The following WDPCP variants were observed in gnomAD, a reference collection of about 807,000 sequenced individuals.
WDPCP encodes WD repeat-containing and planar cell polarity effector protein fritz homolog.
A neutral mutation model predicts 93.1 loss-of-function variants in WDPCP; 71 were observed. That is an observed-to-expected ratio of 0.76 (90% confidence interval 0.63 to 0.93). The LOEUF is 0.93. Among genes scored for constraint, WDPCP ranks in the 40% least tolerant of loss-of-function variants. The pLI is 0.00. For synonymous variants in WDPCP, 315 were observed against 315.0 expected (o/e 1.00, Z 0.00); for missense variants, 844 against 887.4 (o/e 0.95, Z 0.62).
At chr2:63,291,094 G>C (rs1340701151) in intron 13 of WDPCP, among the ~76,000 whole-genome samples, 1 of 151,954 alleles carries the variant, frequency 6.6e-6, no homozygotes, top group Non-Finnish European at 1.5e-5. Context: ...ACTTTATACT[G>C]ATCTGTCTTT....
At chr2:63,785,951 C>T (rs1670461832) in intron 2 of WDPCP, among the ~76,000 whole-genome samples, 2 of 152,206 alleles carry the variant, frequency 1.3e-5, no homozygotes, top group Non-Finnish European at 1.5e-5. Context: ...ATTAACCACA[C>T]TGACATGGCT....
chr2:63,538,517 T>G lies in WDPCP; in HGVS notation c.76-45577A>C, dbSNP rs531913566. ...TTTTGCACATTCTATGGGAGAGAAATTCATACAAGCAAGTTTGCCCAGCTA... is the reference window on the plus strand; with the variant it reads ...TTTTGCACATTCTATGGGAGAGAAAGTCATACAAGCAAGTTTGCCCAGCTA... On this transcript the variant is annotated intron_variant, in intron 1 of 17. Transcript: ENST00000272321. Among the ~76,000 whole-genome samples the G allele has an allele frequency of 7.9e-5, 12 of 152,238 alleles. No homozygotes were observed. In the South Asian group the frequency reaches 2.3e-3, roughly 29 times the overall value.
chr2:63,576,169 C>T (rs1186167710), intron 1 of WDPCP, among the ~76,000 whole-genome samples: 1 of 152,128 alleles, frequency 6.6e-6, no homozygotes, highest in Non-Finnish European at 1.5e-5. Context: ...TAAGTCAATT[C>T]TGACATTATC....
At chr2:63,751,975 C>G in intron 2 of WDPCP, 6 of 632,480 alleles carry the variant, frequency 9.5e-6, no homozygotes, top group Non-Finnish European at 1.8e-5. Flanking sequence ...ACTGAAGTTT[C>G]CTCCACAATC....
At chr2:63,406,372 T>G (rs1694587643) in intron 9 of WDPCP, among the ~76,000 whole-genome samples, 1 of 152,184 alleles carries the variant, frequency 6.6e-6, no homozygotes, top group Non-Finnish European at 1.5e-5. Context: ...CATTTTCTTT[T>G]TTGTCCAATA....
chr2:63,330,983 C>T (rs1004921704), intron 12 of WDPCP, among the ~76,000 whole-genome samples: 4 of 151,538 alleles, frequency 2.6e-5, no homozygotes, highest in Non-Finnish European at 5.9e-5. Flanking sequence ...GATCCTCCCA[C>T]CTCAGTCTCC....
At chr2:63,763,095 A>T (rs1670081257) in intron 2 of WDPCP, among the ~76,000 whole-genome samples, 1 of 152,160 alleles carries the variant, frequency 6.6e-6, no homozygotes, top group South Asian at 2.1e-4. Flanking sequence ...ATGATCATCT[A>T]TATATTTAAT....
At chr2:63,439,639 G>A in intron 7 of WDPCP, 118 bp downstream of exon 7, 1 of 836,456 alleles carries the variant, frequency 1.2e-6, no homozygotes, top group Non-Finnish European at 2.0e-6. Context: ...GCTATTACAA[G>A]CAATTACTTG....
chr2:63,432,420 C>T (rs985807860), intron 9 of WDPCP, among the ~76,000 whole-genome samples: 5 of 152,208 alleles, frequency 3.3e-5, no homozygotes, highest in African/African-American at 1.2e-4. Context: ...TATTGGCAGA[C>T]ACTAAGATCC....
intron 2 of WDPCP, among the ~76,000 whole-genome samples, chr2:63,685,457 G>A (rs1425048030): frequency 7.0e-6 from 1 of 141,986 alleles, no homozygotes; most frequent in Non-Finnish European, 1.5e-5. Context: ...CGAAGCTGTA[G>A]TAAAAGAGTC....
chr2:63,486,376 GA>G (rs1558698776), intron 4 of WDPCP, among the ~76,000 whole-genome samples, 165 bp downstream of exon 4: 1 of 151,748 alleles, frequency 6.6e-6, no homozygotes, highest in Non-Finnish European at 1.5e-5. Context: ...ATCTAAATTA[GA>G]AAGGCCTGAC....
chr2:63,445,127 CTGAGT>C (rs1697760973), intron 6 of WDPCP, among the ~76,000 whole-genome samples: 2 of 150,694 alleles, frequency 1.3e-5, no homozygotes, highest in Non-Finnish European at 3.0e-5. Context: ...TAAATAACAT[CTGAGT>C]TTTGTTCATT....
intron 2 of WDPCP, among the ~76,000 whole-genome samples, chr2:63,774,633 G>A (rs1670278191): frequency 6.6e-6 from 1 of 152,098 alleles, no homozygotes; most frequent in South Asian, 2.1e-4. Context: ...GATCATTTAT[G>A]GCATACCCAG....
At chr2:63,485,135 T>C in intron 4 of WDPCP, 148 bp from the exon 5 acceptor site, 2 of 790,910 alleles carry the variant, frequency 2.5e-6, no homozygotes, top group East Asian at 5.3e-5. Context: ...GACAGCCTTA[T>C]GAAAGGCTTT....
rs201292899 is a variant in WDPCP at position 63,141,465 on chromosome 2, C to T, written c.2190+11449G>A. On this transcript the variant is annotated intron_variant, in intron 17 of 17. Coordinates refer to ENST00000272321, the MANE Select transcript of WDPCP (RefSeq NM_015910.7). ...ATCCCTACATCCCTGGTATGAAACC[C>T]ACTTGATCATGGTGGATTATCTTTT... is the stretch of plus-strand genomic sequence containing the variant. Among the ~76,000 whole-genome samples, 32 of 152,310 alleles carry T rather than the reference C, an allele frequency of 2.1e-4. No homozygotes were observed. The East Asian group carries it at 6.2e-3, about 29-fold the overall frequency.
chr2:63,678,852 G>C (rs1290987332), intron 2 of WDPCP, among the ~76,000 whole-genome samples: 2 of 152,216 alleles, frequency 1.3e-5, no homozygotes, highest in Non-Finnish European at 2.9e-5. Flanking sequence ...ACATCTAAGA[G>C]AGTCAGCATA....
chr2:63,602,511 C>T (rs1245429456), intron 3 of WDPCP, among the ~76,000 whole-genome samples: 1 of 152,078 alleles, frequency 6.6e-6, no homozygotes, highest in Non-Finnish European at 1.5e-5. Context: ...CTACACAATA[C>T]TATTAACTAG....
intron 14 of WDPCP, among the ~76,000 whole-genome samples, chr2:63,176,765 G>A (rs192075608): frequency 6.6e-6 from 1 of 152,220 alleles, no homozygotes; most frequent in African/African-American, 2.4e-5. Flanking sequence ...AGCCCCATTT[G>A]TAGTCCCATT....
intron 9 of WDPCP, among the ~76,000 whole-genome samples, chr2:63,408,493 T>C (rs923051690): frequency 4.0e-5 from 6 of 151,558 alleles, no homozygotes; most frequent in Non-Finnish European, 8.8e-5. Context: ...ATTGAGGGGG[T>C]GGCCAGAAGG....
Sources: gnomAD v4.1 joint callset for allele counts (sites outside exome capture counted in the v4.1 genomes callset) on GRCh38, gnomAD v4.1.1 for gene constraint, MANE v1.5 for transcripts, NCBI Gene and HGNC (gene_info 2026-07-23, HGNC 2026-07-21) for gene names.